CKMT2: variants seen among roughly 807,000 people sequenced by gnomAD.
The protein encoded by CKMT2 is creatine kinase S-type, mitochondrial.
In CKMT2, 43 loss-of-function variants were observed where a neutral mutation model predicts 48.9. The ratio of observed to expected loss-of-function variants is 0.88; its 90% confidence interval spans 0.69 to 1.13. The LOEUF (loss-of-function observed/expected upper bound fraction) is 1.13. Among genes scored for constraint, CKMT2 ranks in the 50% most tolerant of loss-of-function variants. CKMT2 has a pLI of 0.00. For missense variants in CKMT2, 472 were observed against 555.4 expected (o/e 0.85, Z 1.51); for synonymous variants, 206 against 213.0 (o/e 0.97, Z 0.29).
chr5:81,235,166 A>AGTT (rs1756210247), intron 1 of CKMT2, among the ~76,000 whole-genome samples: 1 of 152,192 alleles, frequency 6.6e-6, no homozygotes, highest in Non-Finnish European at 1.5e-5. Flanking sequence ...AGGCCTAGGA[A>AGTT]AGGCCTCTGT....
chr5:81,253,344 C>G (rs549853861), intron 3 of CKMT2, among the ~76,000 whole-genome samples: 3 of 152,134 alleles, frequency 2.0e-5, no homozygotes, highest in Non-Finnish European at 4.4e-5. Flanking sequence ...ACTGATTTCT[C>G]TCCTATTACT....
At chr5:81,258,022 C>CTTTTT in intron 7 of CKMT2, 166 bp downstream of exon 7, 1 of 554,666 alleles carries the variant, frequency 1.8e-6, no homozygotes, top group Non-Finnish European at 3.1e-6. Context: ...GCCTCAGCCT[C>CTTTTT]TAGAGTAGCT....
Position 81,266,179 on chromosome 5 carries a change from T to C in CKMT2, c.1181T>C (p.Leu394Pro). Residue 394 changes from leucine (L) to proline (P), a missense_variant, in exon 10 of 10, where the codon CTG (leucine) becomes CCG (proline). By Grantham distance (98) the Leu-to-Pro change is moderately conservative. Coordinates refer to ENST00000254035, the MANE Select transcript of CKMT2 (RefSeq NM_001099735.2). ...VQIVIDGVNYLVDCEKKLERG... is the reference protein window; with the variant it reads ...VQIVIDGVNYPVDCEKKLERG... ...ATAGTCATCGATGGAGTCAATTACC[T>C]GGTGGATTGTGAAAAGAAGTTGGAG... The C allele has an allele frequency of 6.2e-7, 1 of 1,612,746 alleles. No individual in the cohort carries two copies. Among genetic ancestry groups the C allele is most frequent in the Non-Finnish European group, 8.5e-7 (1 of 1,178,796 alleles).
At chr5:81,254,331 A>G in intron 3 of CKMT2, 65 bp from the exon 4 acceptor site, 14 of 1,399,704 alleles carry the variant, frequency 1.0e-5, no homozygotes, top group Non-Finnish European at 1.4e-5. Context: ...GGGCAAGTGA[A>G]TGGAAAGGTC....
Position 81,245,777 on chromosome 5 carries a change from G to A in CKMT2, c.-20-5336G>A, listed in dbSNP as rs144615665. Among the ~76,000 whole-genome samples, 1,244 of 152,228 alleles carry A rather than the reference G, an allele frequency of 8.2e-3. 26 individuals carry two copies. The highest frequency in any genetic ancestry group is 0.028 in the African/African-American group (1,181 of 41,538). ...GGCACAGCAGGGCCAGAGCTGTGAA[G>A]AGTCCCAGCAGCTGTGGTGCGAGGG... On this transcript the variant is annotated intron_variant, in intron 1 of 9. Coordinates refer to ENST00000254035, the MANE Select transcript of CKMT2 (RefSeq NM_001099735.2).
At chr5:81,236,918 G>A (rs1756261449) in intron 1 of CKMT2, among the ~76,000 whole-genome samples, 2 of 152,222 alleles carry the variant, frequency 1.3e-5, no homozygotes, top group Non-Finnish European at 2.9e-5. Flanking sequence ...GGGAGGCTGA[G>A]GCAGGTGGAT....
chr5:81,255,396 A>G (rs1232827720), intron 5 of CKMT2, among the ~76,000 whole-genome samples, 182 bp downstream of exon 5: 1 of 152,232 alleles, frequency 6.6e-6, no homozygotes, highest in Non-Finnish European at 1.5e-5. Flanking sequence ...GAGGCCACAC[A>G]TTGTACTTGT....
Position 81,251,125 on chromosome 5 carries a change from G to T in CKMT2, c.-8G>T, listed in dbSNP as rs765139085. ...CTTTGCTTTCCAGACACTCATCCAA[G>T]AGGAAGGATGGCCAGTATCTTTTCT... On this transcript the variant is annotated 5_prime_UTR_variant, in exon 2 of 10. Transcript: ENST00000254035. 2 of 1,613,542 alleles carry T rather than the reference G, an allele frequency of 1.2e-6. No homozygotes were observed. Among genetic ancestry groups the T allele is most frequent in the South Asian group, 2.2e-5 (2 of 91,032 alleles).
At chr5:81,234,537 G>A (rs758871982) in intron 1 of CKMT2, among the ~76,000 whole-genome samples, 50 of 152,244 alleles carry the variant, frequency 3.3e-4, no homozygotes, top group Non-Finnish European at 5.0e-4. Flanking sequence ...CTTGTTTGGC[G>A]GTCTGAGCAC....
rs768344797 is a variant in CKMT2, at chr5:81,251,285, G to A, written c.152+1G>A. ...AGCAGCCTAGGCTATTTCCTCCAAG[G>A]TAAGGGCTCCTGACTTTAAAATAAC... On this transcript the variant is annotated splice_donor_variant, in intron 2 of 9. Coordinates refer to ENST00000254035, the MANE Select transcript of CKMT2 (RefSeq NM_001099735.2). LOFTEE classifies it high-confidence loss of function. 1.9e-6 allele frequency: 3 copies of A among 1,613,584 alleles called. No homozygotes were observed. Among genetic ancestry groups the A allele is most frequent in the African/African-American group, 1.3e-5 (1 of 74,878 alleles).
At chr5:81,234,038 A>C (rs961973407) in intron 1 of CKMT2, among the ~76,000 whole-genome samples, 24 of 151,584 alleles carry the variant, frequency 1.6e-4, no homozygotes, top group African/African-American at 5.3e-4. Flanking sequence ...AAAAAAAAAA[A>C]AAAAAAAACC....
At position 81,255,149 on chromosome 5, in the gene CKMT2, G is replaced by T. The variant is rs1253464045; in HGVS notation, c.604G>T (p.Asp202Tyr). 1 of 1,614,128 alleles carries T rather than the reference G, an allele frequency of 6.2e-7. No individual in the cohort carries two copies. The highest frequency in any genetic ancestry group is 2.2e-5 in the East Asian group (1 of 44,870). Reference sequence around the variant, plus strand: ...CACTGCCCTGGAGGGCCTCAAGGGGGACCTGGCTGGCCGCTACTACAAGCT... The same window carrying T: ...CACTGCCCTGGAGGGCCTCAAGGGGTACCTGGCTGGCCGCTACTACAAGCT... ...AITALEGLKG[D>Y]LAGRYYKLSE... Residue 202 changes from aspartate to tyrosine, a missense_variant, in exon 5 of 10, where the codon GAC becomes TAC. Asp to Tyr is a radical substitution (Grantham distance 160, BLOSUM62 -3). Transcript: ENST00000254035.
At chr5:81,239,954 G>C (rs955889512) in intron 1 of CKMT2, among the ~76,000 whole-genome samples, 2 of 152,062 alleles carry the variant, frequency 1.3e-5, no homozygotes, top group Non-Finnish European at 2.9e-5. Context: ...CTCAGACTAA[G>C]GACTCTGGAA....
chr5:81,263,672 T>A (rs896865298), intron 9 of CKMT2, 56 bp downstream of exon 9: 1 of 1,524,292 alleles, frequency 6.6e-7, no homozygotes, highest in East Asian at 2.4e-5. Context: ...TAAGAGAGAA[T>A]AGAGAAAAGC....
intron 7 of CKMT2, 72 bp from the exon 8 acceptor site, chr5:81,259,046 CTG>C (rs1757114867): frequency 7.0e-7 from 1 of 1,438,272 alleles, no homozygotes; most frequent in South Asian, 1.4e-5. Context: ...ATCTCTCTCT[CTG>C]GTGTTAGGGA....
chr5:81,245,882 A>G (rs1756591501), intron 1 of CKMT2, among the ~76,000 whole-genome samples: 1 of 152,136 alleles, frequency 6.6e-6, no homozygotes, highest in Non-Finnish European at 1.5e-5. Flanking sequence ...GTGGGCCCCA[A>G]CACCTAACGG....
intron 1 of CKMT2, chr5:81,245,267 G>A (rs1273423343): frequency 6.6e-6 from 1 of 152,200 alleles, no homozygotes; most frequent in Non-Finnish European, 1.5e-5. Context: ...AGTGCGAGGT[G>A]GGACAGCAGA....
chr5:81,244,052 A>G (rs1364115060), intron 1 of CKMT2: 2 of 985,264 alleles, frequency 2.0e-6, no homozygotes, highest in East Asian at 1.1e-4. Flanking sequence ...ATCAAAGGAA[A>G]TGTTTCCCTT....
At chr5:81,255,431 T>C (rs987056344) in intron 5 of CKMT2, among the ~76,000 whole-genome samples, 15 of 152,236 alleles carry the variant, frequency 9.9e-5, no homozygotes, top group African/African-American at 3.6e-4. Flanking sequence ...ATTCTATGCA[T>C]AAAATCTGCA....
Sources: allele counts gnomAD v4.1 joint callset (sites outside exome capture counted in the v4.1 genomes callset), GRCh38; gene constraint gnomAD v4.1.1; transcripts MANE v1.5; gene names NCBI Gene and HGNC (gene_info 2026-07-23, HGNC 2026-07-21).